The following CSMD2 variants were observed in gnomAD, a reference collection of about 807,000 sequenced individuals.
CSMD2 encodes CUB and sushi domain-containing protein 2.
Under a neutral mutation model 398.5 loss-of-function variants are expected in CSMD2, and 130 were observed. That is an observed-to-expected ratio of 0.33 (90% CI 0.28 to 0.38). CSMD2 has a LOEUF of 0.38. Among genes scored for constraint, CSMD2 ranks in the 10% least tolerant of loss-of-function variants. The probability of loss-of-function intolerance (pLI) is 1.00; values close to 1 mark genes in which losing one functional copy is unlikely to be tolerated. For missense variants in CSMD2, 3,829 were observed against 4,764.9 expected (o/e 0.80, Z 5.78); for synonymous variants, 1,828 against 1,908.5 (o/e 0.96, Z 1.10).
At chr1:33,924,138 T>C (rs1644043075) in intron 4 of CSMD2, among the ~76,000 whole-genome samples, 1 of 152,150 alleles carries the variant, frequency 6.6e-6, no homozygotes. Context: ...CTCTGCCTGG[T>C]TTATTTTACT....
At chr1:33,851,498 TC>T in intron 5 of CSMD2, among the ~76,000 whole-genome samples, 1 of 152,144 alleles carries the variant, frequency 6.6e-6, no homozygotes, top group Non-Finnish European at 1.5e-5. Flanking sequence ...TTATCCCCAC[TC>T]CCAAGCCCTC....
chr1:34,094,667 ATTAC>A (rs1232025942), intron 1 of CSMD2, among the ~76,000 whole-genome samples: 1 of 152,250 alleles, frequency 6.6e-6, no homozygotes, highest in African/African-American at 2.4e-5. Context: ...AAAGAAGGCC[ATTAC>A]ATGATGGTAA....
chr1:34,144,680 G>A (rs1240195898), intron 1 of CSMD2, among the ~76,000 whole-genome samples: 1 of 152,176 alleles, frequency 6.6e-6, no homozygotes, highest in South Asian at 2.1e-4. Flanking sequence ...CTCTCCATGT[G>A]ACTCCTCTTG....
At chr1:33,756,264 T>C (rs1014731020) in intron 13 of CSMD2, among the ~76,000 whole-genome samples, 2 of 152,210 alleles carry the variant, frequency 1.3e-5, no homozygotes, top group Admixed American at 1.3e-4. Context: ...GCCAGACCTG[T>C]GTATCCAGTG....
At position 33,571,672 on chromosome 1, in the gene CSMD2, A is replaced by T. The variant is rs759470879; in HGVS notation, c.7817T>A (p.Leu2606His). The T allele has an allele frequency of 5.7e-6, 9 of 1,579,332 alleles. No homozygotes were observed. Among genetic ancestry groups the T allele is most frequent in the Non-Finnish European group, 7.8e-6 (9 of 1,157,008 alleles). Residue 2606 changes from leucine to histidine, a missense_variant, in exon 51 of 71, where the codon CTT becomes CAT. Transcript: ENST00000373381. ...SISVEHGRWR[L>H]IFETQYQFQA... ...GAACTGATACTGTGTCTCAAAGATA[A>T]GCCTCCATCGGCCATGCTCCACGCT...
chr1:33,805,213 A>G (rs1483010334), intron 10 of CSMD2, among the ~76,000 whole-genome samples: 1 of 152,194 alleles, frequency 6.6e-6, no homozygotes, highest in African/African-American at 2.4e-5. Flanking sequence ...TCAAAAGAAA[A>G]TGGAGATAAG....
chr1:34,022,798 A>G (rs534452127), intron 3 of CSMD2, among the ~76,000 whole-genome samples: 1 of 152,222 alleles, frequency 6.6e-6, no homozygotes, highest in African/African-American at 2.4e-5. Flanking sequence ...TCCTGGAAGC[A>G]ATTAAATGGT....
At chr1:34,085,231 G>A (rs1308507696) in intron 2 of CSMD2, among the ~76,000 whole-genome samples, 1 of 152,042 alleles carries the variant, frequency 6.6e-6, no homozygotes, top group African/African-American at 2.4e-5. Context: ...GGACTGTTGT[G>A]GGGTGGGGTT....
At chr1:33,862,576 A>G (rs1195502930) in intron 5 of CSMD2, 2 of 152,196 alleles carry the variant, frequency 1.3e-5, no homozygotes, top group Admixed American at 1.3e-4. Context: ...GAAAAAGGCT[A>G]CCTAGGCTGA....
chr1:33,992,591 G>A (rs532564056), intron 3 of CSMD2, among the ~76,000 whole-genome samples: 4 of 151,720 alleles, frequency 2.6e-5, no homozygotes, highest in East Asian at 2.0e-4. Context: ...TAACTCGGCC[G>A]GGTGTGGTGG....
chr1:33,611,923 G>A (rs1186517148), intron 40 of CSMD2, among the ~76,000 whole-genome samples: 1 of 152,158 alleles, frequency 6.6e-6, no homozygotes, highest in African/African-American at 2.4e-5. Context: ...CATGGAAAAT[G>A]TTATTGAAGA....
intron 7 of CSMD2, among the ~76,000 whole-genome samples, chr1:33,821,081 G>A (rs1658091581): frequency 6.6e-6 from 1 of 152,222 alleles, no homozygotes; most frequent in African/African-American, 2.4e-5. Flanking sequence ...CTCAAACACA[G>A]ACATTTCTTC....
At chr1:33,789,724 G>A (rs986231552) in intron 11 of CSMD2, among the ~76,000 whole-genome samples, 11 of 152,212 alleles carry the variant, frequency 7.2e-5, no homozygotes, top group Admixed American at 4.6e-4. Flanking sequence ...AGTGGAGCTC[G>A]GATAGAGCAC....
At position 33,739,286 on chromosome 1, in the gene CSMD2, T is replaced by C. The variant is rs150503677; in HGVS notation, c.2222A>G (p.Lys741Arg). 73 of 1,614,014 alleles carry C rather than the reference T, an allele frequency of 4.5e-5. No homozygotes were observed. The African/African-American group carries it at 8.8e-4, about 19-fold the overall frequency. ...CPDPGVPVNGKRFGDSLQLGS... is the reference protein window; with the variant it reads ...CPDPGVPVNGRRFGDSLQLGS... ...CAGCTGGAGGCTGTCCCCAAACCGT[T>C]TGCCATTTACTGGAACGCCAGGATC... is the stretch of plus-strand genomic sequence containing the variant. The change falls in exon 15 of 71, where the codon AAA becomes AGA. Residue 741 changes from lysine to arginine, a missense_variant. Physicochemically the swap from Lys to Arg is conservative, Grantham distance 26 (BLOSUM62 2). Around this residue, in one of 5 missense-constraint regions of CSMD2, gnomAD observed 2,001 missense variants for 2,567.1 expected, o/e 0.78. Transcript: ENST00000373381.
intron 3 of CSMD2, among the ~76,000 whole-genome samples, chr1:33,999,032 G>A (rs1570762892): frequency 6.6e-6 from 1 of 152,140 alleles, no homozygotes; most frequent in South Asian, 2.1e-4. Context: ...CCCAGGTATG[G>A]CCAGCCTCTC....
At chr1:33,918,784 T>C (rs1055194106) in intron 4 of CSMD2, among the ~76,000 whole-genome samples, 23 of 152,182 alleles carry the variant, frequency 1.5e-4, no homozygotes, top group African/African-American at 5.5e-4. Flanking sequence ...AGGTCTAGAT[T>C]TGAATTTAGA....
In CSMD2 at chr1:34,073,342, T is replaced by C. The variant is rs367628581; in HGVS notation, c.404+15635A>G. Among the ~76,000 whole-genome samples, 9 of 152,370 alleles carry C rather than the reference T, an allele frequency of 5.9e-5. No individual in the cohort carries two copies. The East Asian group carries it at 1.7e-3, about 29-fold the overall frequency. On this transcript the variant is annotated intron_variant, in intron 2 of 70. Coordinates refer to ENST00000373381, the MANE Select transcript of CSMD2 (RefSeq NM_001281956.2). ...CTATTAATTATTAAACCCTTGTGTG[T>C]TTCAAGGGTAATTGAATCCATGTTT... is the stretch of plus-strand genomic sequence containing the variant.
intron 9 of CSMD2, among the ~76,000 whole-genome samples, chr1:33,811,109 T>C (rs1384612180): frequency 6.6e-6 from 1 of 152,138 alleles, no homozygotes; most frequent in African/African-American, 2.4e-5. Flanking sequence ...GCGACCCCTC[T>C]GCATGCCCCA....
chr1:33,757,787 C>T (rs1338577649), intron 13 of CSMD2, among the ~76,000 whole-genome samples: 1 of 152,206 alleles, frequency 6.6e-6, no homozygotes, highest in Non-Finnish European at 1.5e-5. Context: ...CCTTCTCCCT[C>T]GCTCTCATAT....
Sources: allele counts gnomAD v4.1 joint callset (sites outside exome capture counted in the v4.1 genomes callset), GRCh38; gene constraint gnomAD v4.1.1; regional missense constraint gnomAD v4.1.1; transcripts MANE v1.5; gene names NCBI Gene and HGNC (gene_info 2026-07-23, HGNC 2026-07-21).